The following SPTAN1 variants were observed in gnomAD, a reference collection of about 807,000 sequenced individuals.
SPTAN1 encodes the protein spectrin alpha, non-erythrocytic 1.
SPTAN1 carries 61 observed loss-of-function variants against 331.3 expected under a neutral mutation model. The observed-to-expected ratio is 0.18, with a 90% CI of 0.15 to 0.23. SPTAN1 has a LOEUF of 0.23. Ranked by LOEUF, SPTAN1 falls within the 10% of genes least tolerant of loss-of-function variation. The pLI is 1.00. For synonymous variants in SPTAN1, 1,153 were observed against 1,173.9 expected (o/e 0.98, Z 0.36); for missense variants, 2,043 against 3,147.9 (o/e 0.65, Z 8.40).
chr9:128,574,932 G>A, intron 4 of SPTAN1, 117 bp downstream of exon 4: 2 of 1,454,490 alleles, frequency 1.4e-6, no homozygotes, highest in Non-Finnish European at 1.9e-6. Flanking sequence ...AAGTAAAAGG[G>A]TGGAAGTGGG....
intron 2 of SPTAN1, among the ~76,000 whole-genome samples, 181 bp downstream of exon 2, chr9:128,567,158 T>C (rs537552739): frequency 6.6e-6 from 1 of 152,306 alleles, no homozygotes; most frequent in South Asian, 2.1e-4. Flanking sequence ...ATCTTAGAGG[T>C]ATTAATTGTC....
intron 11 of SPTAN1, among the ~76,000 whole-genome samples, chr9:128,581,274 A>G (rs1851906189): frequency 6.6e-6 from 1 of 152,210 alleles, no homozygotes; most frequent in Non-Finnish European, 1.5e-5. Context: ...TTTTCAGATT[A>G]GTGTGATGTA....
In SPTAN1 at chr9:128,584,770, A is replaced by G. The variant is rs367686263; in HGVS notation, c.2487A>G (p.Leu829=). Residue 829 remains leucine, a synonymous_variant, in exon 18 of 57, where the codon TTA becomes TTG. Coordinates refer to ENST00000372739, the MANE Select transcript of SPTAN1 (RefSeq NM_001130438.3). ...ATCTGCTAAAGAAACATCAAGCCTTACAAGCAGAAATTGCTGGACATGAAC... is the reference window on the plus strand; with the variant it reads ...ATCTGCTAAAGAAACATCAAGCCTTGCAAGCAGAAATTGCTGGACATGAAC... ...VQNLLKKHQA[L]QAEIAGHEPR... 4 of 1,614,108 alleles carry G rather than the reference A, an allele frequency of 2.5e-6. No homozygotes were observed. The highest frequency in any genetic ancestry group is 1.3e-5 in the African/African-American group (1 of 74,930).
chr9:128,580,371 T>G (rs1851798468), intron 10 of SPTAN1, among the ~76,000 whole-genome samples: 1 of 151,404 alleles, frequency 6.6e-6, no homozygotes, highest in South Asian at 2.1e-4. Context: ...TACACATATG[T>G]ATATAAGTTT....
Position 128,600,117 on chromosome 9 carries a change from T to TAA in SPTAN1, c.3579+3_3579+4dup, listed in dbSNP as rs797046004. ...TCCAAGACAGCCTCCCCGTGGAAGG[T>TAA]AAGAACTCCTTTGCAAATTATTGTT... On this transcript the variant is annotated splice_region_variant and intron_variant, in intron 27 of 56. Coordinates refer to ENST00000372739, the MANE Select transcript of SPTAN1 (RefSeq NM_001130438.3). 39 of 1,614,066 alleles carry TAA rather than the reference T, an allele frequency of 2.4e-5. No individual in the cohort carries two copies. In the Admixed American group the frequency reaches 6.0e-4, roughly 25 times the overall value.
In SPTAN1 at chr9:128,578,147, A is replaced by G. The variant is rs1450981660; in HGVS notation, c.1123A>G (p.Ser375Gly). The change falls in exon 9 of 57, where the codon AGC becomes GGC. Residue 375 changes from serine to glycine, a missense_variant. By Grantham distance (56) the Ser-to-Gly change is moderately conservative. This residue lies in a region of SPTAN1 where 1,038 missense variants were observed against 1,531.5 expected (regional missense o/e 0.68). Transcript: ENST00000372739. Reference sequence around the variant, plus strand: ...CCTTGCTGACTTCCGTGACCTCACCAGCTGGGTGACTGAGATGAAAGCCCT... The same window carrying G: ...CCTTGCTGACTTCCGTGACCTCACCGGCTGGGTGACTGAGATGAAAGCCCT... The part of the protein sequence containing the change: ...RFLADFRDLT[S>G]WVTEMKALIN... The G allele has an allele frequency of 6.2e-7, 1 of 1,614,068 alleles. No homozygotes were observed. The highest frequency in any genetic ancestry group is 8.5e-7 in the Non-Finnish European group (1 of 1,180,042).
In SPTAN1 at chr9:128,587,646, G is replaced by T. The variant is rs1395652109; in HGVS notation, c.2819G>T (p.Ser940Ile). The T allele has an allele frequency of 6.2e-7, 1 of 1,614,064 alleles. No homozygotes were observed. The highest frequency in any genetic ancestry group is 1.1e-5 in the South Asian group (1 of 91,078). ...CACGAAGCTTTGATGTCAGATCTCAGTGCCTACGGCAGCAGCATCCAGGCT... is the reference window on the plus strand; with the variant it reads ...CACGAAGCTTTGATGTCAGATCTCATTGCCTACGGCAGCAGCATCCAGGCT... ...KKHEALMSDLSAYGSSIQALR... is the reference protein window; with the variant it reads ...KKHEALMSDLIAYGSSIQALR... The change falls in exon 20 of 57, where the codon AGT becomes ATT. Residue 940 changes from serine (S) to isoleucine (I), a missense_variant. Ser to Ile is a moderately radical substitution (Grantham distance 142). Transcript: ENST00000372739.
At chr9:128,555,668 G>A (rs1564174190) in intron 1 of SPTAN1, among the ~76,000 whole-genome samples, 1 of 142,912 alleles carries the variant, frequency 7.0e-6, no homozygotes, top group Middle Eastern at 3.7e-3. Context: ...TCTCTTTAAG[G>A]CATGAATATA....
intron 18 of SPTAN1, among the ~76,000 whole-genome samples, chr9:128,585,438 G>A (rs750894293): frequency 3.9e-5 from 6 of 152,300 alleles, no homozygotes; most frequent in East Asian, 1.9e-4. Flanking sequence ...GTGCCTGCAC[G>A]TGCCAGTCTC....
chr9:128,583,658 CTT>C, intron 15 of SPTAN1, 128 bp from the exon 16 acceptor site: 1 of 1,011,150 alleles, frequency 9.9e-7, no homozygotes, highest in Non-Finnish European at 1.5e-6. Flanking sequence ...TTTTCTTTCT[CTT>C]TGTGACATAA....
rs1853339409 is a variant in SPTAN1 at position 128,590,549 on chromosome 9, AAAAAG to A, written c.3007-923_3007-919del. ...CGAGACCTCATCTCTATTTATATTA[AAAAAG>A]AAAAAAAAAAAAAAGGGCCAGGCGT... On this transcript the variant is annotated intron_variant, in intron 21 of 56. Transcript: ENST00000372739. 1.4e-4 allele frequency among the ~76,000 whole-genome samples: 20 copies of A among 144,446 alleles called. No homozygotes were observed. In the South Asian group the frequency reaches 4.2e-3, roughly 30 times the overall value. The allele number at this position is 144,446 out of a possible 152,430, so 94.8% of individuals were successfully genotyped here. A position where few individuals can be genotyped will look rare whatever the true frequency, so the allele number is the denominator to read the frequency against.
chr9:128,607,799 G>A lies in SPTAN1; in HGVS notation c.4147-53G>A, dbSNP rs954945691. The A allele has an allele frequency of 1.3e-5, 21 of 1,612,016 alleles. No individual in the cohort carries two copies. The African/African-American group carries it at 2.1e-4, about 16-fold the overall frequency. ...CCTTTGTGGTGAGTCGGTGGTTGAC[G>A]TCAGAGTGGGCATCTGCTGCCAGTT... On this transcript the variant is annotated intron_variant, in intron 32 of 56. Coordinates refer to ENST00000372739, the MANE Select transcript of SPTAN1 (RefSeq NM_001130438.3).
chr9:128,557,288 A>G (rs1046088771), intron 1 of SPTAN1, among the ~76,000 whole-genome samples: 2 of 152,210 alleles, frequency 1.3e-5, no homozygotes, highest in African/African-American at 2.4e-5. Context: ...TGCTGAAAGA[A>G]TGGCAATCCC....
intron 19 of SPTAN1, among the ~76,000 whole-genome samples, chr9:128,586,845 TCTCA>T (rs1168081112): frequency 6.7e-6 from 1 of 149,734 alleles, no homozygotes; most frequent in Admixed American, 6.7e-5. Context: ...TGAGACAGAG[TCTCA>T]CTCTGTCATC....
intron 9 of SPTAN1, among the ~76,000 whole-genome samples, chr9:128,578,722 A>C (rs1213792348): frequency 6.6e-6 from 1 of 151,726 alleles, no homozygotes; most frequent in Non-Finnish European, 1.5e-5. Context: ...CCAGCTATTC[A>C]GGAGTCTGAG....
chr9:128,567,093 A>G (rs1484862342), intron 2 of SPTAN1, 116 bp downstream of exon 2: 6 of 1,434,840 alleles, frequency 4.2e-6, no homozygotes, highest in East Asian at 2.3e-5. Flanking sequence ...CAAGAAGAAT[A>G]TAATAAGGAA....
intron 42 of SPTAN1, 45 bp from the exon 43 acceptor site, chr9:128,617,942 C>T (rs747994166): frequency 6.2e-7 from 1 of 1,613,916 alleles, no homozygotes; most frequent in Admixed American, 1.7e-5. Flanking sequence ...GACAGAAGCA[C>T]CAGAAGAGCT....
At chr9:128,570,418 A>G (rs1850569242) in intron 3 of SPTAN1, among the ~76,000 whole-genome samples, 1 of 146,756 alleles carries the variant, frequency 6.8e-6, no homozygotes, top group Non-Finnish European at 1.5e-5. Context: ...GCTCACTGCA[A>G]CCTCCACCTC....
intron 3 of SPTAN1, among the ~76,000 whole-genome samples, chr9:128,573,208 C>T (rs1405113755): frequency 6.6e-6 from 1 of 152,214 alleles, no homozygotes. Flanking sequence ...TACCAGAATG[C>T]ATCATCTAAG....
Sources: allele counts gnomAD v4.1 joint callset (sites outside exome capture counted in the v4.1 genomes callset), GRCh38; gene constraint gnomAD v4.1.1; regional missense constraint gnomAD v4.1.1; transcripts MANE v1.5; gene names NCBI Gene and HGNC (gene_info 2026-07-23, HGNC 2026-07-21).